The following TMEM181 variants were observed in gnomAD, a reference collection of about 807,000 sequenced individuals.
The protein encoded by TMEM181 is transmembrane protein 181, also known as G protein-coupled receptor 178.
In TMEM181, 39 loss-of-function variants were observed where a neutral mutation model predicts 71.9. That is an observed-to-expected ratio of 0.54 (90% CI 0.42 to 0.71). TMEM181 has a LOEUF of 0.71. Ranked by LOEUF, TMEM181 falls within the 30% of genes least tolerant of loss-of-function variation. The probability of loss-of-function intolerance (pLI) is 0.00; values close to 1 mark genes in which losing one functional copy is unlikely to be tolerated. For synonymous variants in TMEM181, 245 were observed against 228.8 expected (o/e 1.07, Z -0.64); for missense variants, 595 against 583.0 (o/e 1.02, Z -0.21).
At chr6:158,562,446 T>TTGTG (rs58150738) in intron 1 of TMEM181, among the ~76,000 whole-genome samples, 1,454 of 141,172 alleles carry the variant, frequency 0.01, 14 homozygotes, top group South Asian at 0.025. Context: ...AAGGCTGTTT[T>TTGTG]TGTGTGTGTG....
rs58150738 is a variant in TMEM181 at position 158,562,446 on chromosome 6, TTG to T, written c.8+2242_8+2243del. Among the ~76,000 whole-genome samples, 1,071 of 140,926 alleles carry T rather than the reference TTG, an allele frequency of 7.6e-3. 8 individuals are homozygous for T. Among genetic ancestry groups the T allele is most frequent in the African/African-American group, 0.019 (716 of 37,348 alleles). The allele number at this position is 140,926 out of a possible 152,430, so 92.5% of individuals were successfully genotyped here. On this transcript the variant is annotated intron_variant, in intron 1 of 16. Transcript: ENST00000684151. ...TCTGCAAATTTAAATAAGGCTGTTT[TTG>T]TGTGTGTGTGTGTGTGTGTGTGTGT...
chr6:158,618,986 A>G (rs1267965724), intron 10 of TMEM181, among the ~76,000 whole-genome samples: 1 of 152,150 alleles, frequency 6.6e-6, no homozygotes, highest in Admixed American at 6.5e-5. Context: ...GCTCTTCTCA[A>G]GGAGTATCTT....
At chr6:158,567,909 A>G (rs1782601193) in intron 1 of TMEM181, among the ~76,000 whole-genome samples, 1 of 151,754 alleles carries the variant, frequency 6.6e-6, no homozygotes, top group South Asian at 2.1e-4. Context: ...GATCTCGGGG[A>G]CTTTGAAAGG....
chr6:158,568,768 G>A (rs528686587), intron 1 of TMEM181, among the ~76,000 whole-genome samples: 9 of 152,226 alleles, frequency 5.9e-5, no homozygotes, highest in Admixed American at 5.2e-4. Context: ...AAGCGACTGG[G>A]GACTCCAGCC....
intron 1 of TMEM181, among the ~76,000 whole-genome samples, chr6:158,537,973 A>T (rs1562608814): frequency 6.6e-6 from 1 of 152,182 alleles, no homozygotes; most frequent in East Asian, 1.9e-4. Flanking sequence ...AAACAAATGT[A>T]AAAAATCATG....
upstream of TMEM181, among the ~76,000 whole-genome samples, chr6:158,559,628 C>T (rs572114635): frequency 1.3e-5 from 2 of 152,286 alleles, no homozygotes; most frequent in East Asian, 3.9e-4. Context: ...AGAAAGAGCC[C>T]GGAAGGTTCC....
At chr6:158,607,162 T>C in intron 7 of TMEM181, 82 bp from the exon 8 acceptor site, 1 of 1,124,610 alleles carries the variant, frequency 8.9e-7, no homozygotes, top group Admixed American at 1.8e-5. Flanking sequence ...GAAGACAACC[T>C]GGTATGCCGG....
At chr6:158,544,239 A>C (rs1337231144) in intron 1 of TMEM181, among the ~76,000 whole-genome samples, 4 of 135,070 alleles carry the variant, frequency 3.0e-5, no homozygotes, top group Non-Finnish European at 6.3e-5. Context: ...GAGAGTATGC[A>C]ATGAAGGCAG....
chr6:158,602,910 A>G (rs1460722182), intron 6 of TMEM181, among the ~76,000 whole-genome samples: 1 of 152,090 alleles, frequency 6.6e-6, no homozygotes, highest in Non-Finnish European at 1.5e-5. Context: ...AATGTTGGTC[A>G]CTGTCTTCCG....
intron 5 of TMEM181, among the ~76,000 whole-genome samples, chr6:158,586,223 A>C (rs889531466): frequency 6.6e-6 from 1 of 152,240 alleles, no homozygotes; most frequent in Non-Finnish European, 1.5e-5. Flanking sequence ...TCAGAGTCCA[A>C]AGAATCAGAA....
chr6:158,602,397 T>TAAATGCTAG, intron 6 of TMEM181, among the ~76,000 whole-genome samples: 1 of 152,224 alleles, frequency 6.6e-6, no homozygotes, highest in African/African-American at 2.4e-5. Context: ...TTCTCTTGGA[T>TAAATGCTAG]AAATGCTAGA....
Position 158,632,414 on chromosome 6 carries a change from T to TGGTCAGTTATGTG in TMEM181, c.*528_*540dup, listed in dbSNP as rs2128334555. ...TGGGTAACCAGGTGGCTGAAGTGATTGGTCAGTTATGTGGACTGCGTTTTG... is the reference window on the plus strand; with the variant it reads ...TGGGTAACCAGGTGGCTGAAGTGATTGGTCAGTTATGTGGGTCAGTTATGTGGACTGCGTTTTG... On this transcript the variant is annotated 3_prime_UTR_variant, in exon 17 of 17. Transcript: ENST00000684151. 6.1e-6 allele frequency: 1 copy of TGGTCAGTTATGTG among 164,466 alleles called. No individual in the cohort carries two copies. Among genetic ancestry groups the TGGTCAGTTATGTG allele is most frequent in the Admixed American group, 5.8e-5 (1 of 17,318 alleles). 10.2% of individuals were successfully genotyped at this position (164,466 alleles called of 1,614,324 possible). A position where few individuals can be genotyped will look rare whatever the true frequency, so the allele number is the denominator to read the frequency against.
At chr6:158,614,481 T>TAATTA (rs35828066) in intron 10 of TMEM181, among the ~76,000 whole-genome samples, 22 of 152,002 alleles carry the variant, frequency 1.4e-4, no homozygotes, top group African/African-American at 4.8e-4. Flanking sequence ...CAATCCTATT[T>TAATTA]AAAAAAAATT....
chr6:158,632,236 TC>T lies in TMEM181; in HGVS notation c.*349del. Reference sequence around the variant, plus strand: ...CTGTAATCATTCACTGATTCCAAGTTCACGGGCAGCCTGTGACTAGGTCCTC... The same window carrying T: ...CTGTAATCATTCACTGATTCCAAGTTACGGGCAGCCTGTGACTAGGTCCTC... On this transcript the variant is annotated 3_prime_UTR_variant, in exon 17 of 17. Transcript: ENST00000684151. 1 of 255,534 alleles carries T rather than the reference TC, an allele frequency of 3.9e-6. No homozygotes were observed. The highest frequency in any genetic ancestry group is 7.8e-6 in the Non-Finnish European group (1 of 127,922). The allele number at this position is 255,534 out of a possible 1,614,324, so 15.8% of individuals were successfully genotyped here. A position where few individuals can be genotyped will look rare whatever the true frequency, so the allele number is the denominator to read the frequency against.
chr6:158,550,776 A>G (rs140962696), intron 1 of TMEM181, among the ~76,000 whole-genome samples: 189 of 152,134 alleles, frequency 1.2e-3, no homozygotes, highest in African/African-American at 4.4e-3. Flanking sequence ...TTCAGGACCT[A>G]GCCTAGTCTA....
rs1469472760 is a variant in TMEM181 at position 158,607,228 on chromosome 6, C to T, written c.574-16C>T. The T allele has an allele frequency of 6.2e-7, 1 of 1,610,074 alleles. No individual in the cohort carries two copies. ...GTGAGCAAAGGCAGTAACTGGAGGC[C>T]TGATTTGGTTTGCAGTGCCTGTTTG... On this transcript the variant is annotated splice_polypyrimidine_tract_variant and intron_variant, in intron 7 of 16. Coordinates refer to ENST00000684151, the MANE Select transcript of TMEM181 (RefSeq NM_001376852.1).
intron 1 of TMEM181, among the ~76,000 whole-genome samples, chr6:158,551,744 A>G (rs1781730617): frequency 6.6e-6 from 1 of 152,190 alleles, no homozygotes; most frequent in African/African-American, 2.4e-5. Context: ...ATGATTGATA[A>G]TGTATTATCT....
intron 1 of TMEM181, among the ~76,000 whole-genome samples, chr6:158,539,043 C>T (rs752518546): frequency 3.3e-5 from 5 of 152,154 alleles, no homozygotes; most frequent in Non-Finnish European, 7.3e-5. Context: ...GGATTTTACA[C>T]GGGACAAGTG....
At chr6:158,545,360 C>T (rs1467167563) in intron 1 of TMEM181, among the ~76,000 whole-genome samples, 1 of 152,274 alleles carries the variant, frequency 6.6e-6, no homozygotes, top group Admixed American at 6.5e-5. Flanking sequence ...CTCCCCTGGC[C>T]TTGTCCTGAC....
Sources: gnomAD v4.1 joint callset for allele counts (sites outside exome capture counted in the v4.1 genomes callset) on GRCh38, gnomAD v4.1.1 for gene constraint, MANE v1.5 for transcripts, NCBI Gene and HGNC (gene_info 2026-07-23, HGNC 2026-07-21) for gene names.